NWD2: variants seen among roughly 807,000 people sequenced by gnomAD.
NWD2 encodes the protein NACHT and WD repeat domain containing 2, also known as NACHT and WD repeat domain-containing protein 2.
Under a neutral mutation model 132.7 loss-of-function variants are expected in NWD2, and 37 were observed. The observed-to-expected ratio is 0.28, with a 90% CI of 0.21 to 0.37. NWD2 has a LOEUF of 0.37. Ranked by LOEUF, NWD2 falls within the 10% of genes least tolerant of loss-of-function variation. The pLI is 1.00. For missense variants in NWD2, 1,592 were observed against 2,122.4 expected (o/e 0.75, Z 4.91); for synonymous variants, 705 against 803.0 (o/e 0.88, Z 2.06).
chr4:37,312,064 A>T (rs1718856223), intron 1 of NWD2, among the ~76,000 whole-genome samples: 1 of 151,844 alleles, frequency 6.6e-6, no homozygotes, highest in South Asian at 2.1e-4. Flanking sequence ...AGGTAGCGTG[A>T]TGCCTCCAGC....
Position 37,446,087 on chromosome 4 carries a change from TC to T in NWD2, c.4101del (p.Thr1368ProfsTer4). 6.4e-7 allele frequency: 1 copy of T among 1,551,686 alleles called. No individual in the cohort carries two copies. The highest frequency in any genetic ancestry group is 8.7e-7 in the Non-Finnish European group (1 of 1,146,902). Reference sequence around the variant, plus strand: ...AATAGTTGAACACTGTGTGTTAACATCCACCGGAGATATAATGGTGACATCA... The same window carrying T: ...AATAGTTGAACACTGTGTGTTAACATCACCGGAGATATAATGGTGACATCA... The part of the protein sequence containing the change: ...EGIVEHCVLT[S>X]TGDIMVTSDD... On this transcript the variant is annotated frameshift_variant, in exon 7 of 7. Transcript: ENST00000309447. LOFTEE classifies it high-confidence loss of function. The surrounding 1 kb of genome is among the most constrained non-coding windows in gnomAD (Gnocchi z 6.7).
intron 1 of NWD2, among the ~76,000 whole-genome samples, chr4:37,318,426 A>G (rs1719002378): frequency 6.6e-6 from 1 of 152,140 alleles, no homozygotes; most frequent in Non-Finnish European, 1.5e-5. Context: ...CAAAAAAGGT[A>G]TTTTTTAAAA....
chr4:37,444,830 C>T lies in NWD2; in HGVS notation c.2842C>T (p.Leu948=), dbSNP rs201434818. The change falls in exon 7 of 7, where the codon CTG becomes TTG. Residue 948 remains leucine (L), a synonymous_variant. Coordinates refer to ENST00000309447, the MANE Select transcript of NWD2 (RefSeq NM_001144990.2). The surrounding 1 kb of genome is among the most constrained non-coding windows in gnomAD (Gnocchi z 4.8). ...GCCCAAATATTGCTCCATTGTACCACTGCATTCATCCATGGATGTGACATA... is the reference window on the plus strand; with the variant it reads ...GCCCAAATATTGCTCCATTGTACCATTGCATTCATCCATGGATGTGACATA... ...DGPKYCSIVP[L]HSSMDVTYSP... 6.9e-4 allele frequency: 1,064 copies of T among 1,552,066 alleles called. 11 individuals are homozygous for T. Among genetic ancestry groups the T allele is most frequent in the South Asian group, 1.9e-4 (16 of 84,070 alleles).
rs1462983733 is a variant in NWD2 at position 37,443,821 on chromosome 4, G to C, written c.1833G>C (p.Met611Ile). The C allele has an allele frequency of 6.4e-7, 1 of 1,552,056 alleles. No individual in the cohort carries two copies. Among genetic ancestry groups the C allele is most frequent in the Non-Finnish European group, 8.7e-7 (1 of 1,147,110 alleles). Residue 611 changes from methionine (M) to isoleucine (I), a missense_variant, in exon 7 of 7, where the codon ATG (methionine) becomes ATC (isoleucine). Coordinates refer to ENST00000309447, the MANE Select transcript of NWD2 (RefSeq NM_001144990.2). The surrounding 1 kb of genome is among the most constrained non-coding windows in gnomAD (Gnocchi z 4.1). ...CATTATCCAAGTGCACACTGCCAAT[G>C]TTTGTGAACCTGACCTTCAGGGAGG... ...NNALSKCTLP[M>I]FVNLTFREVR...
chr4:37,274,693 G>A (rs1717951126), intron 1 of NWD2, among the ~76,000 whole-genome samples: 1 of 151,728 alleles, frequency 6.6e-6, no homozygotes, highest in African/African-American at 2.4e-5. Context: ...TAAAATACTG[G>A]CAAACCAAAT....
intron 1 of NWD2, among the ~76,000 whole-genome samples, chr4:37,300,921 A>G (rs774448650): frequency 6.6e-6 from 1 of 152,156 alleles, no homozygotes; most frequent in Non-Finnish European, 1.5e-5. Context: ...TATGCAGCTA[A>G]TACTTAGGCT....
intron 6 of NWD2, among the ~76,000 whole-genome samples, chr4:37,441,797 G>A (rs1188680829): frequency 2.6e-5 from 4 of 152,102 alleles, no homozygotes; most frequent in East Asian, 1.9e-4. Flanking sequence ...AACCTGTACC[G>A]TCCTGTGACC....
intron 1 of NWD2, among the ~76,000 whole-genome samples, chr4:37,270,590 A>G (rs546569345): frequency 6.6e-6 from 1 of 151,840 alleles, no homozygotes; most frequent in East Asian, 1.9e-4. Flanking sequence ...CGTTAGGAAC[A>G]ATCATGACTC....
chr4:37,343,248 T>C (rs1409783267), intron 2 of NWD2, among the ~76,000 whole-genome samples: 2 of 152,208 alleles, frequency 1.3e-5, no homozygotes, highest in Non-Finnish European at 2.9e-5. Context: ...AAACAAATTA[T>C]AATGAGTGCT....
At chr4:37,375,714 C>G (rs1824951) in intron 3 of NWD2, among the ~76,000 whole-genome samples, 139,887 of 152,026 alleles carry the variant, frequency 0.92, 64,635 homozygotes, top group Middle Eastern at 0.98. Flanking sequence ...GACTACAGGT[C>G]CCTGCCACCA....
chr4:37,435,855 C>T (rs1238770842), intron 5 of NWD2, among the ~76,000 whole-genome samples: 5 of 152,170 alleles, frequency 3.3e-5, no homozygotes, highest in African/African-American at 7.2e-5. Context: ...ACTTATTTTA[C>T]GTTCAAACTC....
At chr4:37,320,316 A>G (rs1283539661) in intron 1 of NWD2, among the ~76,000 whole-genome samples, 1 of 152,240 alleles carries the variant, frequency 6.6e-6, no homozygotes, top group Non-Finnish European at 1.5e-5. Flanking sequence ...GAACTTAGCT[A>G]GAAGATATAT....
Position 37,443,245 on chromosome 4 carries a change from A to C in NWD2, c.1297-40A>C, listed in dbSNP as rs1045959275. 8 of 1,472,090 alleles carry C rather than the reference A, an allele frequency of 5.4e-6. No individual in the cohort carries two copies. The highest frequency in any genetic ancestry group is 7.4e-6 in the Non-Finnish European group (8 of 1,083,586). The allele number at this position is 1,472,090 out of a possible 1,614,324, so 91.2% of individuals were successfully genotyped here. A position where few individuals can be genotyped will look rare whatever the true frequency, so the allele number is the denominator to read the frequency against. On this transcript the variant is annotated intron_variant, in intron 6 of 6. Transcript: ENST00000309447. The surrounding 1 kb of genome is among the most constrained non-coding windows in gnomAD (Gnocchi z 4.1). ...CAATGTTATCACATATGACCATGTG[A>C]ATACATATTACCATTCTAAACTCCA... is the stretch of plus-strand genomic sequence containing the variant.
chr4:37,264,768 AT>A (rs1717714041), intron 1 of NWD2, among the ~76,000 whole-genome samples: 1 of 149,432 alleles, frequency 6.7e-6, no homozygotes, highest in Non-Finnish European at 1.5e-5. Context: ...TTAATTTTCC[AT>A]TTTAGTTGTA....
At chr4:37,259,771 G>A (rs1489437304) in intron 1 of NWD2, among the ~76,000 whole-genome samples, 1 of 152,152 alleles carries the variant, frequency 6.6e-6, no homozygotes, top group Admixed American at 6.5e-5. Context: ...CGCAATCCAT[G>A]GATGTTGCTC....
chr4:37,281,346 AT>A (rs140623328), intron 1 of NWD2, among the ~76,000 whole-genome samples: 81 of 149,684 alleles, frequency 5.4e-4, no homozygotes, highest in African/African-American at 1.2e-3. Flanking sequence ...TAGAATCTAC[AT>A]TTTTTTTTTG....
At chr4:37,309,209 C>A (rs1347656558) in intron 1 of NWD2, among the ~76,000 whole-genome samples, 2 of 152,140 alleles carry the variant, frequency 1.3e-5, no homozygotes, top group East Asian at 3.9e-4. Context: ...GTGACACTGG[C>A]AGCAGGCCCC....
intron 2 of NWD2, among the ~76,000 whole-genome samples, chr4:37,328,113 G>A (rs1719211392): frequency 6.6e-6 from 1 of 151,888 alleles, no homozygotes; most frequent in East Asian, 1.9e-4. Flanking sequence ...AACACCTTAA[G>A]CCCATTCATA....
At position 37,367,294 on chromosome 4, in the gene NWD2, A is replaced by T. The variant is rs996185659; in HGVS notation, c.357+10812A>T. ...AATATTTTGAACTGCACTAACATGA[A>T]AACTGTGTCAAAACTTGTGGATTCA... is the stretch of plus-strand genomic sequence containing the variant. On this transcript the variant is annotated intron_variant, in intron 3 of 6. Coordinates refer to ENST00000309447, the MANE Select transcript of NWD2 (RefSeq NM_001144990.2). Among the ~76,000 whole-genome samples, 127 of 152,312 alleles carry T rather than the reference A, an allele frequency of 8.3e-4. 1 individual carries two copies. Among genetic ancestry groups the T allele is most frequent in the African/African-American group, 2.8e-3 (118 of 41,582 alleles).
Sources: gnomAD v4.1 joint callset for allele counts (sites outside exome capture counted in the v4.1 genomes callset) on GRCh38, gnomAD v4.1.1 for gene constraint, Gnocchi (gnomAD v3.1) non-coding constraint, MANE v1.5 for transcripts, NCBI Gene and HGNC (gene_info 2026-07-23, HGNC 2026-07-21) for gene names.